The following BST1 variants were observed in gnomAD, a reference collection of about 807,000 sequenced individuals.
The protein encoded by BST1 is bone marrow stromal cell antigen 1.
Under a neutral mutation model 40.6 loss-of-function variants are expected in BST1, and 49 were observed. The observed-to-expected ratio is 1.21, with a 90% confidence interval of 0.96 to 1.53. The LOEUF (loss-of-function observed/expected upper bound fraction) is 1.53. Among genes scored for constraint, BST1 ranks in the 40% most tolerant of loss-of-function variants. The pLI, the probability that BST1 is intolerant of heterozygous loss-of-function variation, is 0.00. For synonymous variants in BST1, 157 were observed against 159.3 expected (o/e 0.99, Z 0.11); for missense variants, 423 against 395.9 (o/e 1.07, Z -0.58).
At chr4:15,770,898 C>T in the BST1 span, among the ~76,000 whole-genome samples, 4 of 152,148 alleles carry the variant, frequency 2.6e-5, no homozygotes, top group Admixed American at 1.3e-4. Flanking sequence ...TCAGCCTGTT[C>T]GACAGATGAG....
intron 8 of BST1, among the ~76,000 whole-genome samples, chr4:15,725,891 T>A (rs910684778): frequency 6.6e-6 from 1 of 151,646 alleles, no homozygotes; most frequent in Non-Finnish European, 1.5e-5. Flanking sequence ...TGTGACTGCA[T>A]TTTTTTTCTT....
chr4:15,726,561 T>G (rs1233505720), intron 8 of BST1, among the ~76,000 whole-genome samples: 1 of 152,130 alleles, frequency 6.6e-6, no homozygotes, highest in Non-Finnish European at 1.5e-5. Flanking sequence ...GGGAATAAAG[T>G]TGTTGCAAAG....
intron 8 of BST1, among the ~76,000 whole-genome samples, chr4:15,724,962 G>T (rs1721018481): frequency 6.6e-6 from 1 of 152,178 alleles, no homozygotes; most frequent in African/African-American, 2.4e-5. Context: ...GGGCCCACAA[G>T]ATGTGGAGGT....
In BST1 at chr4:15,703,305, A is replaced by G. The variant is rs2148873567; in HGVS notation, c.161A>G (p.Tyr54Cys). ...RDIFLGRCAEYRALLSPEQRN... is the reference protein window; with the variant it reads ...RDIFLGRCAECRALLSPEQRN... The stretch of plus-strand genomic sequence containing the variant: ...ATCTTCCTGGGCCGCTGCGCCGAGT[A>G]CCGCGCACTGCTGAGTCCCGAGCAG... Residue 54 changes from tyrosine (Y) to cysteine (C), a missense_variant, in exon 1 of 9, where the codon TAC becomes TGC. Coordinates refer to ENST00000265016, the MANE Select transcript of BST1 (RefSeq NM_004334.3). 3 of 1,526,972 alleles carry G rather than the reference A, an allele frequency of 2.0e-6. No homozygotes were observed. The highest frequency in any genetic ancestry group is 2.6e-6 in the Non-Finnish European group (3 of 1,143,906). 94.6% of individuals were successfully genotyped at this position (1,526,972 alleles called of 1,614,324 possible).
At chr4:15,762,787 G>A in the BST1 span, among the ~76,000 whole-genome samples, 95 of 152,174 alleles carry the variant, frequency 6.2e-4, 1 homozygote, top group Non-Finnish European at 1.2e-3. Context: ...ACATATAAGT[G>A]CAATCATATA....
At chr4:15,749,075 CAG>C in the BST1 span, among the ~76,000 whole-genome samples, 1 of 152,178 alleles carries the variant, frequency 6.6e-6, no homozygotes. Flanking sequence ...GCAAATTTCT[CAG>C]AGTTAATTAA....
intron 8 of BST1, chr4:15,731,378 G>T (rs1174393010): frequency 3.8e-6 from 2 of 531,492 alleles, no homozygotes; most frequent in African/African-American, 3.9e-5. Flanking sequence ...TTTCCATGTG[G>T]TGGAAATCCA....
the BST1 span, among the ~76,000 whole-genome samples, chr4:15,760,091 C>T: frequency 6.6e-6 from 1 of 152,094 alleles, no homozygotes; most frequent in South Asian, 2.1e-4. Context: ...CTCCTCATTC[C>T]CCAACATGCA....
chr4:15,763,117 T>G, the BST1 span, among the ~76,000 whole-genome samples: 1 of 152,024 alleles, frequency 6.6e-6, no homozygotes, highest in South Asian at 2.1e-4. Context: ...AAATTATTTC[T>G]AGGCTCTTGA....
At chr4:15,724,626 C>T (rs1031956373) in intron 8 of BST1, among the ~76,000 whole-genome samples, 54 of 152,184 alleles carry the variant, frequency 3.5e-4, no homozygotes, top group African/African-American at 1.3e-3. Flanking sequence ...GCAGAGGTTG[C>T]AGTGAGCCGA....
intron 8 of BST1, among the ~76,000 whole-genome samples, chr4:15,728,343 A>G (rs762286042): frequency 2.6e-5 from 4 of 151,932 alleles, no homozygotes; most frequent in East Asian, 3.9e-4. Context: ...ATGTTTTGGT[A>G]TTTAATTATT....
At chr4:15,744,934 A>G in the BST1 span, among the ~76,000 whole-genome samples, 1 of 152,246 alleles carries the variant, frequency 6.6e-6, no homozygotes, top group Non-Finnish European at 1.5e-5. Flanking sequence ...ACTTCTAGAC[A>G]TGCTAAAATT....
At chr4:15,771,144 C>T in the BST1 span, among the ~76,000 whole-genome samples, 401 of 152,294 alleles carry the variant, frequency 2.6e-3, 2 homozygotes, top group Middle Eastern at 6.8e-3. Flanking sequence ...TGTAACTATG[C>T]ACAAATAAGT....
the BST1 span, among the ~76,000 whole-genome samples, chr4:15,750,708 T>C: frequency 6.6e-6 from 1 of 152,218 alleles, no homozygotes; most frequent in Non-Finnish European, 1.5e-5. Context: ...AAATATCACA[T>C]TAATAATTGT....
At chr4:15,704,842 G>A (rs991210239) in intron 1 of BST1, 6 of 714,856 alleles carry the variant, frequency 8.4e-6, no homozygotes, top group Non-Finnish European at 1.6e-5. Flanking sequence ...ACTGATTTTT[G>A]TTCCTTCTGT....
intron 6 of BST1, among the ~76,000 whole-genome samples, 197 bp downstream of exon 6, chr4:15,715,996 C>T (rs1162694187): frequency 6.6e-6 from 1 of 152,198 alleles, no homozygotes; most frequent in Non-Finnish European, 1.5e-5. Context: ...GAGAAAGCCT[C>T]CTTTATCTGG....
At chr4:15,720,336 T>C (rs1720741733) in intron 7 of BST1, among the ~76,000 whole-genome samples, 1 of 152,088 alleles carries the variant, frequency 6.6e-6, no homozygotes, top group African/African-American at 2.4e-5. Context: ...ATTCAATTCT[T>C]GGCCGAGTGC....
At chr4:15,759,707 G>T in the BST1 span, among the ~76,000 whole-genome samples, 1 of 129,466 alleles carries the variant, frequency 7.7e-6, no homozygotes, top group African/African-American at 3.1e-5. Context: ...GTAACAGGGG[G>T]TGTCATGGGG....
rs1368315641 is a variant in BST1, at chr4:15,731,860, G to T, written c.*15G>T. 6.2e-7 allele frequency: 1 copy of T among 1,608,752 alleles called. No individual in the cohort carries two copies. Among genetic ancestry groups the T allele is most frequent in the South Asian group, 1.1e-5 (1 of 89,874 alleles). On this transcript the variant is annotated 3_prime_UTR_variant, in exon 9 of 9. Transcript: ENST00000265016. The stretch of plus-strand genomic sequence containing the variant: ...CTCAACTGTAACTGGAAACTGTGTT[G>T]CTCTAACCCTCCTCCAGCCCTGCAG...
Sources: allele counts gnomAD v4.1 joint callset (sites outside exome capture counted in the v4.1 genomes callset), GRCh38; gene constraint gnomAD v4.1.1; transcripts MANE v1.5; gene names NCBI Gene and HGNC (gene_info 2026-07-23, HGNC 2026-07-21).